ZC3H12B: variants seen among roughly 807,000 people sequenced by gnomAD.
The protein encoded by ZC3H12B is probable ribonuclease ZC3H12B.
ZC3H12B carries 7 observed loss-of-function variants against 43.9 expected under a neutral mutation model. That is an observed-to-expected ratio of 0.16 (90% confidence interval 0.09 to 0.30). The LOEUF is 0.30. ZC3H12B is among the 10% of genes least tolerant of loss of function. The pLI is 1.00. For missense variants in ZC3H12B, 475 were observed against 670.2 expected, an observed-to-expected ratio of 0.71 and a Z score of 3.22; for synonymous variants, 222 against 241.7, an observed-to-expected ratio of 0.92 and a Z score of 0.76.
At chrX:65,327,358 A>C in the ZC3H12B span, among the ~76,000 whole-genome samples, 2 of 111,603 alleles carry the variant, frequency 1.8e-5, no homozygotes, top group African/African-American at 6.5e-5. Context: ...TAAAAATTTT[A>C]TCGAAGATTT....
intron 3 of ZC3H12B, among the ~76,000 whole-genome samples, chrX:65,414,092 C>G (rs1310050338): frequency 9.0e-6 from 1 of 111,266 alleles, no homozygotes; most frequent in Non-Finnish European, 1.9e-5. Context: ...GTGTGTAACC[C>G]TTTTATTATG....
chrX:65,320,676 C>G, the ZC3H12B span, among the ~76,000 whole-genome samples: 3 of 112,164 alleles, frequency 2.7e-5, no homozygotes, highest in Non-Finnish European at 5.6e-5. Flanking sequence ...ACCTAAACAG[C>G]ATAGTACTGG....
the ZC3H12B span, among the ~76,000 whole-genome samples, chrX:65,317,609 T>G: frequency 9.2e-6 from 1 of 109,193 alleles, no homozygotes; most frequent in Non-Finnish European, 1.9e-5. Flanking sequence ...AGCTCCCACT[T>G]ATGAGTGAGA....
the ZC3H12B span, among the ~76,000 whole-genome samples, chrX:65,225,954 G>C: frequency 1.3e-3 from 149 of 112,033 alleles, 2 homozygotes; most frequent in Non-Finnish European, 1.1e-3. Context: ...ACACTCTGCA[G>C]GATATTATCC....
chrX:65,137,462 A>T, the ZC3H12B span, among the ~76,000 whole-genome samples: 1 of 112,100 alleles, frequency 8.9e-6, no homozygotes, highest in South Asian at 3.6e-4. Flanking sequence ...TCTATTTTTG[A>T]GGCTGAGAAT....
the ZC3H12B span, among the ~76,000 whole-genome samples, chrX:65,275,178 G>A: frequency 2.7e-5 from 3 of 112,731 alleles, no homozygotes; most frequent in African/African-American, 9.7e-5. Context: ...TCATGGGTCT[G>A]AGAAAAACAA....
At position 65,452,608 on chromosome X, in the gene ZC3H12B, A is replaced by G. The variant is rs530185514; in HGVS notation, n.408-36038A>G. Among the ~76,000 whole-genome samples the G allele has an allele frequency of 6.3e-5, 7 of 111,812 alleles. No homozygotes were observed. In the Admixed American group the frequency reaches 6.6e-4, roughly 11 times the overall value. The stretch of plus-strand genomic sequence containing the variant: ...GTAATCCCAACACTTTGGGAGGCCG[A>G]GGTGGGTGGATCAACTGAGGTCAGG... On this transcript the variant is annotated intron_variant and non_coding_transcript_variant, in intron 3 of 5. Coordinates refer to the ZC3H12B transcript ENST00000617377.
At chrX:65,434,974 A>G (rs1230480175) in intron 3 of ZC3H12B, among the ~76,000 whole-genome samples, 4 of 111,789 alleles carry the variant, frequency 3.6e-5, no homozygotes, top group Non-Finnish European at 5.6e-5. Flanking sequence ...GCTGTGCCCC[A>G]GCTTTATCTT....
chrX:65,319,102 G>A, the ZC3H12B span, among the ~76,000 whole-genome samples: 1 of 111,221 alleles, frequency 9.0e-6, no homozygotes, highest in African/African-American at 3.3e-5. Flanking sequence ...CAAGGAAATT[G>A]AGTTGTGAAA....
At chrX:65,119,512 ATTTG>A in the ZC3H12B span, among the ~76,000 whole-genome samples, 1 of 111,451 alleles carries the variant, frequency 9.0e-6, no homozygotes, top group African/African-American at 3.3e-5. Context: ...TTTCTTGTAA[ATTTG>A]TTTGAGTTCA....
At chrX:65,243,126 G>T in the ZC3H12B span, among the ~76,000 whole-genome samples, 4 of 111,811 alleles carry the variant, frequency 3.6e-5, no homozygotes, top group South Asian at 3.7e-4. Flanking sequence ...TGGACAATTG[G>T]TACCACATCA....
the ZC3H12B span, among the ~76,000 whole-genome samples, chrX:65,222,580 A>C: frequency 1.6e-4 from 17 of 104,510 alleles, no homozygotes; most frequent in South Asian, 6.9e-3. Context: ...TCAAGAATTC[A>C]ACCCCTTTTA....
chrX:65,238,179 T>C, the ZC3H12B span, among the ~76,000 whole-genome samples: 1 of 112,019 alleles, frequency 8.9e-6, no homozygotes, highest in African/African-American at 3.2e-5. Context: ...TTGCCAGCTC[T>C]TCTTTGTACC....
chrX:65,108,060 G>C, the ZC3H12B span, among the ~76,000 whole-genome samples: 23 of 111,072 alleles, frequency 2.1e-4, no homozygotes, highest in South Asian at 8.7e-3. Flanking sequence ...GATTAAAAAT[G>C]GTACACCTGT....
At chrX:65,286,237 A>T in the ZC3H12B span, among the ~76,000 whole-genome samples, 1 of 112,221 alleles carries the variant, frequency 8.9e-6, no homozygotes, top group African/African-American at 3.2e-5. Context: ...TAGCCATAAA[A>T]ACATAATGAA....
At chrX:65,473,983 C>T (rs1021155863) in intron 3 of ZC3H12B, among the ~76,000 whole-genome samples, 4 of 111,406 alleles carry the variant, frequency 3.6e-5, no homozygotes, top group Admixed American at 9.6e-5. Context: ...CTATTAGTTT[C>T]ATTTGTTTTG....
At chrX:65,261,235 G>T in the ZC3H12B span, among the ~76,000 whole-genome samples, 3 of 111,392 alleles carry the variant, frequency 2.7e-5, no homozygotes, top group Non-Finnish European at 3.8e-5. Context: ...AGAGAACAGA[G>T]ATAACCAAGT....
intron 2 of ZC3H12B, among the ~76,000 whole-genome samples, chrX:65,393,393 T>C (rs1368789226): frequency 9.0e-6 from 1 of 111,475 alleles, no homozygotes; most frequent in African/African-American, 3.3e-5. Context: ...CAACCCGTCA[T>C]CTAGGTTTTA....
chrX:65,219,568 A>C, the ZC3H12B span, among the ~76,000 whole-genome samples: 11 of 111,531 alleles, frequency 9.9e-5, no homozygotes, highest in Non-Finnish European at 2.1e-4. Flanking sequence ...TCAGAGCTCA[A>C]AGACAAGGCT....
Sources: gnomAD v4.1 joint callset for allele counts (sites outside exome capture counted in the v4.1 genomes callset) on GRCh38, gnomAD v4.1.1 for gene constraint, MANE v1.5 for transcripts, NCBI Gene and HGNC (gene_info 2026-07-23, HGNC 2026-07-21) for gene names.